SORCS2: variants seen among roughly 807,000 people sequenced by gnomAD.
SORCS2 encodes sortilin related VPS10 domain containing receptor 2.
A neutral mutation model predicts 141.6 loss-of-function variants in SORCS2; 100 were observed. The observed-to-expected ratio is 0.71, with a 90% CI of 0.60 to 0.83. The LOEUF is 0.83. Ranked by LOEUF, SORCS2 falls within the 40% of genes least tolerant of loss-of-function variation. SORCS2 has a pLI of 0.00. For synonymous variants in SORCS2, 789 were observed against 676.9 expected (o/e 1.17, Z -2.57); for missense variants, 1,646 against 1,560.2 (o/e 1.05, Z -0.93).
chr4:7,570,804 G>A (rs1198000641), intron 3 of SORCS2, among the ~76,000 whole-genome samples: 1 of 152,192 alleles, frequency 6.6e-6, no homozygotes, highest in Non-Finnish European at 1.5e-5. Context: ...CCGAAGCCAG[G>A]GTCCAGGCCT....
intron 1 of SORCS2, among the ~76,000 whole-genome samples, chr4:7,244,360 G>A (rs570783897): frequency 2.6e-5 from 4 of 152,332 alleles, no homozygotes; most frequent in Admixed American, 6.5e-5. Flanking sequence ...GGCTTTCAGC[G>A]GCCTCCTATT....
chr4:7,428,928 C>G (rs528402587), intron 2 of SORCS2, among the ~76,000 whole-genome samples: 2 of 152,242 alleles, frequency 1.3e-5, no homozygotes, highest in South Asian at 4.1e-4. Flanking sequence ...CTTCACCAGT[C>G]TGAGTGAGCC....
At position 7,238,324 on chromosome 4, in the gene SORCS2, G is replaced by A. The variant is rs554502480; in HGVS notation, c.480+45198G>A. On this transcript the variant is annotated intron_variant, in intron 1 of 26. Coordinates refer to ENST00000507866, the MANE Select transcript of SORCS2 (RefSeq NM_020777.3). ...TTGCTGGTACTGCATACAGCTTTGTGTGTTGCTAATGATGCTTTTTGCTGT... is the reference window on the plus strand; with the variant it reads ...TTGCTGGTACTGCATACAGCTTTGTATGTTGCTAATGATGCTTTTTGCTGT... 5.2e-4 allele frequency among the ~76,000 whole-genome samples: 79 copies of A among 152,308 alleles called. 1 individual carries two copies. Among genetic ancestry groups the A allele is most frequent in the Admixed American group, 1.1e-3 (17 of 15,296 alleles).
chr4:7,243,563 G>T (rs576279126), intron 1 of SORCS2, among the ~76,000 whole-genome samples: 2 of 152,310 alleles, frequency 1.3e-5, no homozygotes, highest in Non-Finnish European at 2.9e-5. Context: ...GATTCCTCTG[G>T]CATCTCATGA....
chr4:7,629,386 C>G (rs751446934), intron 3 of SORCS2, among the ~76,000 whole-genome samples: 4 of 152,088 alleles, frequency 2.6e-5, no homozygotes, highest in Non-Finnish European at 5.9e-5. Context: ...AGAGGGACCT[C>G]GGATGTGGAA....
chr4:7,548,899 C>G (rs899497151), intron 3 of SORCS2, among the ~76,000 whole-genome samples: 1 of 152,240 alleles, frequency 6.6e-6, no homozygotes, highest in African/African-American at 2.4e-5. Context: ...AGCTGGCCTT[C>G]AACACCCAGC....
intron 5 of SORCS2, among the ~76,000 whole-genome samples, chr4:7,655,202 T>TACACACACATACACAC (rs1721684872): frequency 1.3e-5 from 2 of 148,876 alleles, no homozygotes; most frequent in African/African-American, 2.5e-5. Flanking sequence ...CTTGTGCGTG[T>TACACACACATACACAC]ACACACACAC....
At chr4:7,628,154 G>T (rs916831272) in intron 3 of SORCS2, among the ~76,000 whole-genome samples, 2 of 152,214 alleles carry the variant, frequency 1.3e-5, no homozygotes, top group African/African-American at 4.8e-5. Flanking sequence ...GCTTCAGGTG[G>T]GGCTTAGAAG....
intron 2 of SORCS2, among the ~76,000 whole-genome samples, chr4:7,436,133 G>A (rs964210097): frequency 1.3e-5 from 2 of 152,224 alleles, no homozygotes; most frequent in Non-Finnish European, 1.5e-5. Flanking sequence ...AAGGACTCTG[G>A]TTGCTGGGGA....
rs143065851 is a variant in SORCS2 at position 7,215,054 on chromosome 4, G to A, written c.480+21928G>A. Among the ~76,000 whole-genome samples, 976 of 152,254 alleles carry A rather than the reference G, an allele frequency of 6.4e-3. 15 individuals are homozygous for A. The highest frequency in any genetic ancestry group is 0.023 in the African/African-American group (948 of 41,550). ...CACTTGAGGAGCCCTTCAGCCCACC[G>A]CTGCACTGTGGGAGCCCCTTCCTGG... On this transcript the variant is annotated intron_variant, in intron 1 of 26. Transcript: ENST00000507866.
intron 2 of SORCS2, among the ~76,000 whole-genome samples, chr4:7,418,185 C>A (rs141042388): frequency 1.3e-5 from 2 of 152,148 alleles, no homozygotes; most frequent in Admixed American, 6.5e-5. Context: ...CCCTAGACTC[C>A]GGAGATTCAA....
At chr4:7,287,294 G>A (rs1252817112) in intron 1 of SORCS2, among the ~76,000 whole-genome samples, 2 of 152,238 alleles carry the variant, frequency 1.3e-5, no homozygotes, top group East Asian at 1.9e-4. Flanking sequence ...TGGGGTGTCC[G>A]AGAGGCTCTG....
Position 7,633,306 on chromosome 4 carries a change from G to A in SORCS2, c.649-5022G>A, listed in dbSNP as rs572112685. 4.3e-4 allele frequency among the ~76,000 whole-genome samples: 65 copies of A among 152,256 alleles called. No homozygotes were observed. In the South Asian group the frequency reaches 0.013, roughly 31 times the overall value. ...GCCAGGAGCCTGAGGGGTGGGAGGT[G>A]AAGCTGGACGAGAGGCGGAGCAGGG... On this transcript the variant is annotated intron_variant, in intron 3 of 26. Transcript: ENST00000507866.
At chr4:7,250,182 C>T (rs1713396191) in intron 1 of SORCS2, among the ~76,000 whole-genome samples, 2 of 152,088 alleles carry the variant, frequency 1.3e-5, no homozygotes, top group Admixed American at 6.6e-5. Flanking sequence ...GCGGAGGTTG[C>T]AGTGACCTGA....
intron 14 of SORCS2, among the ~76,000 whole-genome samples, chr4:7,712,466 C>A (rs1329408414): frequency 6.6e-6 from 1 of 152,220 alleles, no homozygotes; most frequent in Non-Finnish European, 1.5e-5. Flanking sequence ...TGGGGGCCAA[C>A]CAGAGCGACT....
intron 1 of SORCS2, among the ~76,000 whole-genome samples, chr4:7,240,404 C>G (rs56385456): frequency 1.4e-3 from 206 of 152,244 alleles, no homozygotes; most frequent in Non-Finnish European, 2.6e-3. Flanking sequence ...ATACGTAACG[C>G]GGGGCCATCC....
At chr4:7,393,828 C>G (rs1577493483) in intron 1 of SORCS2, among the ~76,000 whole-genome samples, 1 of 152,192 alleles carries the variant, frequency 6.6e-6, no homozygotes, top group South Asian at 2.1e-4. Flanking sequence ...GTGGCATCAT[C>G]ATGGACTGGA....
At chr4:7,338,323 A>T (rs1426479244) in intron 1 of SORCS2, among the ~76,000 whole-genome samples, 1 of 143,788 alleles carries the variant, frequency 7.0e-6, no homozygotes, top group African/African-American at 2.6e-5. Flanking sequence ...TGTCGGTTGG[A>T]TGGAAGGATG....
chr4:7,336,413 C>A lies in SORCS2; in HGVS notation c.481-59875C>A, dbSNP rs563339073. ...GGAGGCCCTTGGCCCCGGCTGAGAT[C>A]AATGCGAACAGATGGATGAAGGACT... is the stretch of plus-strand genomic sequence containing the variant. On this transcript the variant is annotated intron_variant, in intron 1 of 26. Transcript: ENST00000507866. 4.8e-4 allele frequency among the ~76,000 whole-genome samples: 73 copies of A among 152,032 alleles called. 3 individuals are homozygous for A. Among genetic ancestry groups the A allele is most frequent in the African/African-American group, 1.6e-3 (66 of 41,452 alleles).
Sources: gnomAD v4.1 joint callset for allele counts (sites outside exome capture counted in the v4.1 genomes callset) on GRCh38, gnomAD v4.1.1 for gene constraint, MANE v1.5 for transcripts, NCBI Gene and HGNC (gene_info 2026-07-23, HGNC 2026-07-21) for gene names.